Variants in ADAMTSL3 observed in about 807,000 individuals in gnomAD.
ADAMTSL3 encodes the protein ADAMTS-like protein 3.
Under a neutral mutation model 201.7 loss-of-function variants are expected in ADAMTSL3, and 128 were observed. That is an observed-to-expected ratio of 0.63 (90% confidence interval 0.55 to 0.73). The LOEUF (loss-of-function observed/expected upper bound fraction) is 0.73, where lower values mean the gene tolerates loss of function less well. Among genes scored for constraint, ADAMTSL3 ranks in the 30% least tolerant of loss-of-function variants. The pLI, the probability that ADAMTSL3 is intolerant of heterozygous loss-of-function variation, is 0.00. For synonymous variants in ADAMTSL3, 738 were observed against 748.4 expected (o/e 0.99, Z 0.23); for missense variants, 1,990 against 2,119.6 (o/e 0.94, Z 1.20).
At chr15:83,803,163 G>A (rs976688389) in intron 4 of ADAMTSL3, among the ~76,000 whole-genome samples, 20 of 152,130 alleles carry the variant, frequency 1.3e-4, no homozygotes, top group African/African-American at 4.6e-4. Flanking sequence ...AGAAACAGTG[G>A]AGGATTAAAT....
At chr15:83,725,317 A>G (rs2062157408) in intron 3 of ADAMTSL3, among the ~76,000 whole-genome samples, 1 of 152,152 alleles carries the variant, frequency 6.6e-6, no homozygotes, top group African/African-American at 2.4e-5. Flanking sequence ...AATGCTGAGT[A>G]CTTTTTCATA....
intron 6 of ADAMTSL3, among the ~76,000 whole-genome samples, chr15:83,833,664 G>A (rs1567177188): frequency 6.6e-6 from 1 of 152,200 alleles, no homozygotes; most frequent in Non-Finnish European, 1.5e-5. Flanking sequence ...GCTGAAGTTT[G>A]TAACTGAAAA....
chr15:83,814,511 G>C (rs1290089358), intron 5 of ADAMTSL3, among the ~76,000 whole-genome samples: 1 of 151,972 alleles, frequency 6.6e-6, no homozygotes, highest in Admixed American at 6.6e-5. Flanking sequence ...CTTTTGTTAC[G>C]TCGTTTCCCG....
intron 3 of ADAMTSL3, among the ~76,000 whole-genome samples, chr15:83,769,633 T>C (rs1197198453): frequency 6.6e-6 from 1 of 152,224 alleles, no homozygotes; most frequent in African/African-American, 2.4e-5. Context: ...TACTGTGCTA[T>C]AAATAGGTAG....
At chr15:83,709,228 A>AT (rs1179843324) in intron 3 of ADAMTSL3, among the ~76,000 whole-genome samples, 5 of 151,732 alleles carry the variant, frequency 3.3e-5, no homozygotes, top group African/African-American at 1.2e-4. Flanking sequence ...AGAAGCCACA[A>AT]TTTTTTTTTG....
chr15:83,844,965 A>T (rs1017049293), intron 7 of ADAMTSL3, among the ~76,000 whole-genome samples: 4 of 152,192 alleles, frequency 2.6e-5, no homozygotes, highest in Non-Finnish European at 4.4e-5. Context: ...ATGTGCTGCC[A>T]TCTGCTCCTC....
At chr15:83,820,490 G>A (rs1210509493) in intron 6 of ADAMTSL3, among the ~76,000 whole-genome samples, 1 of 152,210 alleles carries the variant, frequency 6.6e-6, no homozygotes, top group Non-Finnish European at 1.5e-5. Context: ...TAAAAGGGAT[G>A]GGGCCCAAAG....
chr15:83,975,203 C>A (rs559048972), intron 20 of ADAMTSL3, among the ~76,000 whole-genome samples: 2 of 151,786 alleles, frequency 1.3e-5, no homozygotes, highest in Non-Finnish European at 2.9e-5. Flanking sequence ...GGGGTTTCAC[C>A]ATGTTAGCCA....
chr15:83,748,897 T>A (rs1228884586), intron 3 of ADAMTSL3, among the ~76,000 whole-genome samples: 1 of 151,354 alleles, frequency 6.6e-6, no homozygotes, highest in Non-Finnish European at 1.5e-5. Context: ...GGGCTGGGAG[T>A]GTTGCATGCT....
intron 8 of ADAMTSL3, among the ~76,000 whole-genome samples, chr15:83,860,634 T>C (rs1366855660): frequency 6.6e-6 from 1 of 152,184 alleles, no homozygotes; most frequent in African/African-American, 2.4e-5. Context: ...TTTTATAAAT[T>C]GTAAAAACAG....
chr15:83,690,686 A>G (rs2061598444), intron 2 of ADAMTSL3, among the ~76,000 whole-genome samples: 1 of 151,904 alleles, frequency 6.6e-6, no homozygotes, highest in African/African-American at 2.4e-5. Context: ...TCCACACCCA[A>G]TCCCAGACAG....
intron 6 of ADAMTSL3, among the ~76,000 whole-genome samples, chr15:83,820,306 G>A (rs548786820): frequency 2.0e-4 from 30 of 152,236 alleles, no homozygotes; most frequent in African/African-American, 7.2e-4. Context: ...TCAAACTCCT[G>A]ATCTCAGGTG....
chr15:84,032,699 A>C (rs1596558961), intron 28 of ADAMTSL3, among the ~76,000 whole-genome samples: 1 of 152,192 alleles, frequency 6.6e-6, no homozygotes, highest in Admixed American at 6.5e-5. Flanking sequence ...TTAATACTCT[A>C]TTCTACTCAA....
intron 19 of ADAMTSL3, among the ~76,000 whole-genome samples, chr15:83,955,596 A>G (rs567924153): frequency 2.7e-3 from 418 of 152,170 alleles, no homozygotes; most frequent in Non-Finnish European, 4.8e-3. Flanking sequence ...ACTTTTGGTT[A>G]TTCAGGGCCC....
intron 7 of ADAMTSL3, among the ~76,000 whole-genome samples, chr15:83,840,560 T>C (rs1001982947): frequency 2.6e-4 from 39 of 152,114 alleles, no homozygotes; most frequent in African/African-American, 8.4e-4. Context: ...ATTTGACTCT[T>C]CATTAGGAGA....
At chr15:83,842,907 G>T (rs1331675740) in intron 7 of ADAMTSL3, among the ~76,000 whole-genome samples, 1 of 152,206 alleles carries the variant, frequency 6.6e-6, no homozygotes, top group Non-Finnish European at 1.5e-5. Context: ...ACCTCGTTTT[G>T]TCAGGGTCCA....
At chr15:83,905,670 C>G (rs2065817469) in intron 15 of ADAMTSL3, among the ~76,000 whole-genome samples, 1 of 152,194 alleles carries the variant, frequency 6.6e-6, no homozygotes, top group Non-Finnish European at 1.5e-5. Flanking sequence ...CAGTTTATTT[C>G]CAATTATTCA....
At chr15:83,766,401 G>T (rs981025848) in intron 3 of ADAMTSL3, among the ~76,000 whole-genome samples, 1 of 152,162 alleles carries the variant, frequency 6.6e-6, no homozygotes, top group South Asian at 2.1e-4. Context: ...TCAGAAATGC[G>T]AATTCCTCAT....
chr15:83,971,558 CA>C lies in ADAMTSL3; in HGVS notation c.2644+940del, dbSNP rs68134290. On this transcript the variant is annotated intron_variant, in intron 20 of 29. Transcript: ENST00000286744. Reference sequence around the variant, plus strand: ...GGCGACAGAGTGTGAGACTCTGTCTCAAAAAAAAAAAAAAAAAAAGAAAGAA... The same window carrying C: ...GGCGACAGAGTGTGAGACTCTGTCTCAAAAAAAAAAAAAAAAAAGAAAGAA... Among the ~76,000 whole-genome samples the C allele has an allele frequency of 2.1e-3, 132 of 63,924 alleles. No homozygotes were observed. The South Asian group carries it at 0.028, about 14-fold the overall frequency. The allele number at this position is 63,924 out of a possible 152,430, so 41.9% of individuals were successfully genotyped here. A position where few individuals can be genotyped will look rare whatever the true frequency, so the allele number is the denominator to read the frequency against.
Sources: allele counts gnomAD v4.1 joint callset (sites outside exome capture counted in the v4.1 genomes callset), GRCh38; gene constraint gnomAD v4.1.1; transcripts MANE v1.5; gene names NCBI Gene and HGNC (gene_info 2026-07-23, HGNC 2026-07-21).